The following SHISA9 variants were observed in gnomAD, a reference collection of about 807,000 sequenced individuals.
SHISA9 encodes the protein shisa family member 9.
In SHISA9, 13 loss-of-function variants were observed where a neutral mutation model predicts 38.0. That is an observed-to-expected ratio of 0.34 (90% CI 0.22 to 0.54). SHISA9 has a LOEUF of 0.54. Among genes scored for constraint, SHISA9 ranks in the 20% least tolerant of loss-of-function variants. SHISA9 has a pLI of 0.91. For synonymous variants in SHISA9, 275 were observed against 242.0 expected, an observed-to-expected ratio of 1.14 and a Z score of -1.27; for missense variants, 538 against 575.8, an observed-to-expected ratio of 0.93 and a Z score of 0.67.
At chr16:13,221,701 A>G (rs2051227698) in intron 4 of SHISA9, among the ~76,000 whole-genome samples, 2 of 152,162 alleles carry the variant, frequency 1.3e-5, no homozygotes, top group Admixed American at 1.3e-4. Flanking sequence ...ATGTTCACAG[A>G]ATTGTGCAAC....
intron 2 of SHISA9, among the ~76,000 whole-genome samples, chr16:12,963,877 A>G (rs968631512): frequency 2.0e-5 from 3 of 152,188 alleles, no homozygotes; most frequent in Admixed American, 1.3e-4. Context: ...GCATTTTTAC[A>G]TGTTTTGGAT....
At chr16:13,524,475 C>G in the SHISA9 span, among the ~76,000 whole-genome samples, 2 of 152,244 alleles carry the variant, frequency 1.3e-5, no homozygotes, top group Non-Finnish European at 2.9e-5. Flanking sequence ...GATAGCTCCA[C>G]TGGCTGAACC....
chr16:13,554,075 TA>T, the SHISA9 span, among the ~76,000 whole-genome samples: 161 of 151,260 alleles, frequency 1.1e-3, no homozygotes, highest in African/African-American at 1.5e-3. Flanking sequence ...GTAAAAAGTA[TA>T]AAAAAAAATA....
chr16:13,559,589 C>T, the SHISA9 span, among the ~76,000 whole-genome samples: 1 of 152,010 alleles, frequency 6.6e-6, no homozygotes, highest in African/African-American at 2.4e-5. Flanking sequence ...CTCTGTGTTT[C>T]CCAGGCTGGT....
the SHISA9 span, among the ~76,000 whole-genome samples, chr16:13,490,489 C>T: frequency 2.0e-5 from 3 of 152,126 alleles, no homozygotes; most frequent in South Asian, 2.1e-4. Context: ...CACTTGAGCC[C>T]GTGAGGTCAA....
At chr16:13,550,547 T>G in the SHISA9 span, among the ~76,000 whole-genome samples, 12 of 152,320 alleles carry the variant, frequency 7.9e-5, no homozygotes, top group Non-Finnish European at 1.8e-4. Flanking sequence ...TTCTTGGATG[T>G]GCAGTTTGTT....
At chr16:13,259,747 G>A in the SHISA9 span, among the ~76,000 whole-genome samples, 2 of 152,288 alleles carry the variant, frequency 1.3e-5, no homozygotes, top group East Asian at 3.9e-4. Context: ...TTCAGCCATG[G>A]CTGGAAAGGC....
chr16:12,948,848 AAC>A (rs10604909), intron 2 of SHISA9, among the ~76,000 whole-genome samples: 3,535 of 152,304 alleles, frequency 0.023, 46 homozygotes, highest in African/African-American at 0.033. Context: ...TATCTGAAAA[AAC>A]ACATATTTGC....
chr16:13,441,748 A>G, the SHISA9 span, among the ~76,000 whole-genome samples: 3 of 152,114 alleles, frequency 2.0e-5, no homozygotes, highest in Non-Finnish European at 4.4e-5. Flanking sequence ...AGCCTGTCAA[A>G]CCTGGTGCCG....
At chr16:13,241,420 C>A (rs928923055), downstream of SHISA9, among the ~76,000 whole-genome samples, 1 of 152,098 alleles carries the variant, frequency 6.6e-6, no homozygotes, top group Non-Finnish European at 1.5e-5. Context: ...GCAGGAGAAT[C>A]GCTTTAACTT....
the SHISA9 span, among the ~76,000 whole-genome samples, chr16:13,392,723 T>C: frequency 6.6e-6 from 1 of 152,182 alleles, no homozygotes; most frequent in Admixed American, 6.5e-5. Context: ...TGGTGTCATA[T>C]AAAATGGGGA....
intron 1 of SHISA9, among the ~76,000 whole-genome samples, chr16:12,914,569 C>G (rs2071229333): frequency 6.6e-6 from 1 of 152,130 alleles, no homozygotes; most frequent in African/African-American, 2.4e-5. Flanking sequence ...TCCTCTCATT[C>G]ATATGGGGCT....
At chr16:13,092,055 G>A (rs899148168) in intron 2 of SHISA9, among the ~76,000 whole-genome samples, 4 of 152,198 alleles carry the variant, frequency 2.6e-5, no homozygotes, top group African/African-American at 7.2e-5. Flanking sequence ...CTAACAGTCA[G>A]GTCCCTCAGC....
At chr16:13,522,275 T>TAG in the SHISA9 span, among the ~76,000 whole-genome samples, 6 of 152,304 alleles carry the variant, frequency 3.9e-5, no homozygotes, top group Middle Eastern at 3.4e-3. Flanking sequence ...TTACATCAGG[T>TAG]AGAGGATGGT....
At chr16:13,221,071 G>GC (rs1321827106) in intron 4 of SHISA9, among the ~76,000 whole-genome samples, 1 of 152,136 alleles carries the variant, frequency 6.6e-6, no homozygotes, top group Admixed American at 6.5e-5. Flanking sequence ...CCTGTTGGGA[G>GC]CCTTCAGGGT....
At chr16:13,241,958 G>C (rs1250855947), downstream of SHISA9, among the ~76,000 whole-genome samples, 1 of 152,188 alleles carries the variant, frequency 6.6e-6, no homozygotes, top group African/African-American at 2.4e-5. Context: ...TCTGTGAGGA[G>C]AGCCACACTA....
intron 2 of SHISA9, among the ~76,000 whole-genome samples, chr16:13,181,805 GA>G (rs976303299): frequency 6.4e-4 from 98 of 152,250 alleles, no homozygotes; most frequent in Non-Finnish European, 1.1e-3. Flanking sequence ...GTTTTGAAAG[GA>G]GAATCTGAAG....
chr16:13,039,799 C>G (rs978699591), intron 2 of SHISA9, among the ~76,000 whole-genome samples: 1 of 152,214 alleles, frequency 6.6e-6, no homozygotes, highest in Non-Finnish European at 1.5e-5. Flanking sequence ...GGAAGGAACA[C>G]GAGGGTTCTG....
At chr16:12,902,822 G>A (rs2071037640) in intron 1 of SHISA9, 195 bp downstream of exon 1, 3 of 614,550 alleles carry the variant, frequency 4.9e-6, no homozygotes, top group Admixed American at 6.0e-5. Context: ...ACAGGTGTGG[G>A]TCTGAGCGTG....
Sources: allele counts gnomAD v4.1 joint callset (sites outside exome capture counted in the v4.1 genomes callset), GRCh38; gene constraint gnomAD v4.1.1; transcripts MANE v1.5; gene names NCBI Gene and HGNC (gene_info 2026-07-23, HGNC 2026-07-21).